Variants in CHLSN observed in about 807,000 individuals in gnomAD.
CHLSN encodes protein cholesin.
At chr7:1,058,051 C>G in the CHLSN span, 1 of 768,562 alleles carries the variant, frequency 1.3e-6, no homozygotes, top group Non-Finnish European at 2.4e-6. Context: ...CTAGAGTGCG[C>G]CAAGATGCAG....
chr7:1,020,037 C>T, the CHLSN span, among the ~76,000 whole-genome samples: 8 of 152,308 alleles, frequency 5.3e-5, no homozygotes, highest in East Asian at 1.9e-4. Context: ...GGCAGGTGGC[C>T]GGCCCGTCCC....
At chr7:1,070,322 C>G in the CHLSN span, among the ~76,000 whole-genome samples, 2 of 143,128 alleles carry the variant, frequency 1.4e-5, 1 homozygote, top group Non-Finnish European at 3.2e-5. Context: ...GTCAGCCCCC[C>G]GCCTGGCCAG....
the CHLSN span, chr7:1,023,075 C>T: frequency 2.1e-5 from 9 of 429,106 alleles, no homozygotes; most frequent in Non-Finnish European, 3.8e-5. The surrounding 1 kb of genome is among the most constrained non-coding windows in gnomAD (Gnocchi z 5.0). Context: ...GAGCATGGGA[C>T]GCTTCCTGCC....
At chr7:1,127,857 CGTCACCCGGG>C in the CHLSN span, among the ~76,000 whole-genome samples, 1 of 72,702 alleles carries the variant, frequency 1.4e-5, no homozygotes, top group Non-Finnish European at 2.4e-5. Flanking sequence ...CTCATCCCAC[CGTCACCCGGG>C]CTGGAGTGCA....
chr7:978,194 G>C, the CHLSN span, among the ~76,000 whole-genome samples: 1 of 152,144 alleles, frequency 6.6e-6, no homozygotes, highest in Non-Finnish European at 1.5e-5. Context: ...GAAGAGGAAA[G>C]AATTTTTATG....
At chr7:1,023,471 T>C in the CHLSN span, among the ~76,000 whole-genome samples, 2 of 151,898 alleles carry the variant, frequency 1.3e-5, no homozygotes, top group South Asian at 2.1e-4. This position sits in a 1 kb window ranked among gnomAD's most constrained non-coding sequence, Gnocchi z 5.0. Flanking sequence ...CGAGGCCTCC[T>C]GGGAACCTGG....
At chr7:1,138,243 A>T in the CHLSN span, 68 of 152,314 alleles carry the variant, frequency 4.5e-4, 1 homozygote, top group African/African-American at 1.6e-3. Context: ...TGCGTCGCGG[A>T]CGCCGCCTTC....
chr7:1,089,727 T>TA, the CHLSN span, among the ~76,000 whole-genome samples: 1 of 142,206 alleles, frequency 7.0e-6, no homozygotes, highest in African/African-American at 2.8e-5. Context: ...TTTTTTTTTT[T>TA]AAGTAAGTAT....
the CHLSN span, chr7:1,075,849 C>T: frequency 6.6e-6 from 1 of 152,010 alleles, no homozygotes; most frequent in Non-Finnish European, 1.5e-5. Context: ...ATCCGCCCAC[C>T]TCAGCCTCCC....
the CHLSN span, among the ~76,000 whole-genome samples, chr7:1,014,244 G>A: frequency 6.6e-6 from 1 of 152,252 alleles, no homozygotes; most frequent in African/African-American, 2.4e-5. Context: ...CCAGAGAAGA[G>A]AGCCGTGAGA....
chr7:1,127,407 T>G, the CHLSN span: 21 of 1,591,832 alleles, frequency 1.3e-5, no homozygotes, highest in Non-Finnish European at 1.7e-5. Flanking sequence ...GAAAGTAAAT[T>G]GCTGAAGACA....
chr7:1,057,473 C>T, the CHLSN span: 3 of 721,484 alleles, frequency 4.2e-6, no homozygotes, highest in East Asian at 2.5e-5. Flanking sequence ...AGCTGACCAC[C>T]TGTTCCTTCT....
At chr7:1,136,023 T>C in the CHLSN span, among the ~76,000 whole-genome samples, 1 of 121,058 alleles carries the variant, frequency 8.3e-6, no homozygotes, top group Non-Finnish European at 1.6e-5. Flanking sequence ...TATATGTATA[T>C]ATAAATATAT....
At chr7:1,092,597 G>A in the CHLSN span, 5 of 1,611,440 alleles carry the variant, frequency 3.1e-6, no homozygotes, top group South Asian at 5.5e-5. Flanking sequence ...ACGCAGCCTG[G>A]GGCCGCTCCC....
the CHLSN span, among the ~76,000 whole-genome samples, chr7:1,068,372 G>A: frequency 1.3e-5 from 2 of 152,268 alleles, no homozygotes; most frequent in East Asian, 1.9e-4. Context: ...ACTGCCACCC[G>A]GCAGGGAGCA....
chr7:1,039,076 T>C, the CHLSN span, among the ~76,000 whole-genome samples: 54 of 48,800 alleles, frequency 1.1e-3, no homozygotes, highest in Non-Finnish European at 1.4e-3. Context: ...TCAGCCCCCC[T>C]GCCCGGCCAG....
the CHLSN span, among the ~76,000 whole-genome samples, chr7:1,044,403 A>C: frequency 6.6e-6 from 1 of 152,112 alleles, no homozygotes; most frequent in Admixed American, 6.5e-5. Flanking sequence ...CTCCACCGCC[A>C]CCGCCCCCCA....
chr7:1,086,008 G>A, the CHLSN span, among the ~76,000 whole-genome samples: 156 of 152,306 alleles, frequency 1.0e-3, 1 homozygote, highest in African/African-American at 2.0e-3. Context: ...TTACTTACCC[G>A]CCCAGTGCCC....
chr7:1,000,643 G>T, the CHLSN span: 1 of 1,027,898 alleles, frequency 9.7e-7, no homozygotes, highest in South Asian at 1.5e-5. Flanking sequence ...CTCATCTTAG[G>T]AGAGGGAGCC....
Sources: gnomAD v4.1 joint callset for allele counts (sites outside exome capture counted in the v4.1 genomes callset) on GRCh38, gnomAD v4.1.1 for gene constraint, Gnocchi (gnomAD v3.1) non-coding constraint, MANE v1.5 for transcripts, NCBI Gene and HGNC (gene_info 2026-07-23, HGNC 2026-07-21) for gene names.